Variants in RANBP17 observed in about 807,000 individuals in gnomAD.
RANBP17 encodes RAN binding protein 17, also known as ran-binding protein 17.
In RANBP17, 158 loss-of-function variants were observed where a neutral mutation model predicts 141.2. The observed-to-expected ratio is 1.12, with a 90% CI of 0.98 to 1.28. The LOEUF (loss-of-function observed/expected upper bound fraction) is 1.28. Among genes scored for constraint, RANBP17 ranks in the 50% most tolerant of loss-of-function variants. RANBP17 has a pLI of 0.00. For missense variants in RANBP17, 1,438 were observed against 1,290.7 expected, an observed-to-expected ratio of 1.11 and a Z score of -1.75; for synonymous variants, 430 against 450.0, an observed-to-expected ratio of 0.96 and a Z score of 0.56.
chr5:171,231,542 A>G (rs780434765), intron 22 of RANBP17, among the ~76,000 whole-genome samples: 2 of 152,204 alleles, frequency 1.3e-5, no homozygotes, highest in African/African-American at 4.8e-5. Context: ...TTGTTTGCAC[A>G]TGAGATCACT....
chr5:170,916,727 T>G, intron 9 of RANBP17, 143 bp downstream of exon 9: 1 of 529,986 alleles, frequency 1.9e-6, no homozygotes. Context: ...CTTTTTTTTT[T>G]TTTTTTGAGA....
intron 14 of RANBP17, among the ~76,000 whole-genome samples, chr5:171,060,823 T>G (rs1318377308): frequency 8.5e-5 from 13 of 152,186 alleles, no homozygotes; most frequent in African/African-American, 3.1e-4. Context: ...AGCTATTGAT[T>G]ATTGCCACAA....
intron 25 of RANBP17, among the ~76,000 whole-genome samples, chr5:171,271,781 A>G (rs1469218110): frequency 3.9e-5 from 6 of 152,246 alleles, no homozygotes; most frequent in Non-Finnish European, 7.3e-5. Context: ...CTGAAATTGG[A>G]AAATAGGAAC....
intron 18 of RANBP17, among the ~76,000 whole-genome samples, chr5:171,195,963 A>C (rs142651415): frequency 4.8e-4 from 73 of 152,366 alleles, no homozygotes; most frequent in African/African-American, 1.7e-3. Context: ...AAGGAATAAC[A>C]GCTGTTATTT....
At chr5:171,158,614 T>C (rs1759069908) in intron 14 of RANBP17, 1 of 172,178 alleles carries the variant, frequency 5.8e-6, no homozygotes, top group Non-Finnish European at 1.3e-5. Flanking sequence ...TTCTCAAGTT[T>C]TGTTGTAACC....
At chr5:171,213,792 C>A in intron 21 of RANBP17, 54 bp downstream of exon 21, 1 of 1,293,598 alleles carries the variant, frequency 7.7e-7, no homozygotes, top group Non-Finnish European at 1.1e-6. Flanking sequence ...CGGAAATCTC[C>A]AACAGTCAGA....
chr5:170,873,664 G>A (rs529309799), intron 1 of RANBP17, among the ~76,000 whole-genome samples: 1 of 152,258 alleles, frequency 6.6e-6, no homozygotes, highest in South Asian at 2.1e-4. Context: ...ATGGTAGTTT[G>A]TATTTCTGTG....
intron 26 of RANBP17, among the ~76,000 whole-genome samples, chr5:171,294,778 T>C (rs1017269636): frequency 1.3e-5 from 2 of 152,218 alleles, no homozygotes; most frequent in Non-Finnish European, 2.9e-5. Context: ...ATCCAAGCTC[T>C]ATAAAAGAGA....
intron 14 of RANBP17, among the ~76,000 whole-genome samples, chr5:171,054,700 C>T (rs1031326292): frequency 2.6e-5 from 4 of 152,154 alleles, no homozygotes; most frequent in Non-Finnish European, 4.4e-5. Flanking sequence ...CCTGGGAATG[C>T]AGCCCAGTAG....
chr5:171,296,597 G>T (rs1037571937), intron 27 of RANBP17, among the ~76,000 whole-genome samples: 5 of 152,232 alleles, frequency 3.3e-5, no homozygotes, highest in Non-Finnish European at 5.9e-5. Flanking sequence ...CCATAATGAT[G>T]TAAAAATATT....
At chr5:170,948,228 C>CAAGTTTG (rs1289823941) in intron 12 of RANBP17, among the ~76,000 whole-genome samples, 2 of 151,938 alleles carry the variant, frequency 1.3e-5, no homozygotes, top group African/African-American at 4.8e-5. Context: ...AAAAGAGGAG[C>CAAGTTTG]TAAATGTAAG....
chr5:170,892,768 T>G, intron 4 of RANBP17, among the ~76,000 whole-genome samples: 1 of 152,214 alleles, frequency 6.6e-6, no homozygotes, highest in East Asian at 1.9e-4. Flanking sequence ...TAAATAATCA[T>G]GTTTTCTAAT....
intron 25 of RANBP17, among the ~76,000 whole-genome samples, chr5:171,289,325 C>G (rs921016378): frequency 6.6e-6 from 1 of 152,214 alleles, no homozygotes; most frequent in Non-Finnish European, 1.5e-5. Context: ...CCATCAGATT[C>G]TAGACCCACT....
rs889192185 is a variant in RANBP17 at position 170,930,893 on chromosome 5, C to A, written c.1468+6343C>A. Among the ~76,000 whole-genome samples the A allele has an allele frequency of 2.6e-5, 4 of 152,098 alleles. No homozygotes were observed. The East Asian group carries it at 7.7e-4, about 29-fold the overall frequency. On this transcript the variant is annotated intron_variant, in intron 12 of 27. Coordinates refer to ENST00000523189, the MANE Select transcript of RANBP17 (RefSeq NM_022897.5). ...CATACATGTGCATGTGTCCTTATAG[C>A]GGTGTGATTTATAATCATTTGGGTA...
chr5:170,919,392 T>C, intron 10 of RANBP17, 49 bp from the exon 11 acceptor site: 2 of 1,212,484 alleles, frequency 1.6e-6, no homozygotes, highest in Non-Finnish European at 2.3e-6. Context: ...TAATTCTTAT[T>C]GTAGGAAGAT....
At chr5:171,202,874 T>C in intron 19 of RANBP17, among the ~76,000 whole-genome samples, 1 of 152,282 alleles carries the variant, frequency 6.6e-6, no homozygotes, top group South Asian at 2.1e-4. Flanking sequence ...GAGGATAATA[T>C]TATAGCTGCC....
intron 22 of RANBP17, among the ~76,000 whole-genome samples, chr5:171,233,857 C>T (rs186515227): frequency 4.1e-4 from 63 of 152,266 alleles, no homozygotes; most frequent in Non-Finnish European, 2.9e-5. Context: ...AGGTACACCA[C>T]CAACAGTGAA....
chr5:171,248,049 A>G (rs1435630988), intron 24 of RANBP17, among the ~76,000 whole-genome samples: 2 of 152,204 alleles, frequency 1.3e-5, no homozygotes, highest in Admixed American at 1.3e-4. Flanking sequence ...AACATCTAGA[A>G]GAGAAGACTA....
intron 12 of RANBP17, among the ~76,000 whole-genome samples, chr5:170,947,584 G>A (rs1481138582): frequency 6.6e-6 from 1 of 152,138 alleles, no homozygotes. Flanking sequence ...TGTTCTGGGG[G>A]TTGATAAGTC....
Sources: gnomAD v4.1 joint callset for allele counts (sites outside exome capture counted in the v4.1 genomes callset) on GRCh38, gnomAD v4.1.1 for gene constraint, MANE v1.5 for transcripts, NCBI Gene and HGNC (gene_info 2026-07-23, HGNC 2026-07-21) for gene names.